Variants in ITFG1 observed in about 807,000 individuals in gnomAD.
The protein encoded by ITFG1 is T-cell immunomodulatory protein.
Under a neutral mutation model 81.8 loss-of-function variants are expected in ITFG1, and 34 were observed. That is an observed-to-expected ratio of 0.42 (90% confidence interval 0.32 to 0.55). The LOEUF (loss-of-function observed/expected upper bound fraction) is 0.55. Among genes scored for constraint, ITFG1 ranks in the 20% least tolerant of loss-of-function variants. ITFG1 has a pLI of 0.17. For missense variants in ITFG1, 672 were observed against 755.4 expected (o/e 0.89, Z 1.29); for synonymous variants, 285 against 270.6 (o/e 1.05, Z -0.52).
intron 8 of ITFG1, among the ~76,000 whole-genome samples, chr16:47,349,482 A>T (rs1967915977): frequency 6.6e-6 from 1 of 152,354 alleles, no homozygotes; most frequent in East Asian, 1.9e-4. Context: ...CATAATGGTA[A>T]AGGGATCACT....
At chr16:47,361,592 A>C (rs1036243906) in intron 8 of ITFG1, among the ~76,000 whole-genome samples, 1 of 152,154 alleles carries the variant, frequency 6.6e-6, no homozygotes, top group Non-Finnish European at 1.5e-5. Context: ...TATGAGAGAC[A>C]TTTATGGGTT....
chr16:47,418,168 A>G (rs1380660761), intron 6 of ITFG1, among the ~76,000 whole-genome samples: 1 of 152,110 alleles, frequency 6.6e-6, no homozygotes, highest in African/African-American at 2.4e-5. Flanking sequence ...GGCCATTTGT[A>G]TATCTTTTCT....
chr16:47,323,014 C>G (rs1967471594), intron 8 of ITFG1, among the ~76,000 whole-genome samples: 1 of 151,832 alleles, frequency 6.6e-6, no homozygotes, highest in African/African-American at 2.4e-5. Context: ...AAATAATTGC[C>G]AGGCTTCAAT....
intron 6 of ITFG1, among the ~76,000 whole-genome samples, chr16:47,383,334 T>C (rs1164575341): frequency 6.6e-6 from 1 of 152,240 alleles, no homozygotes; most frequent in Non-Finnish European, 1.5e-5. Flanking sequence ...ATATAAATTT[T>C]AGAATTATAT....
rs533168502 is a variant in ITFG1 at position 47,362,370 on chromosome 16, T to C, written c.802+3418A>G. ...TGCATGCTCAAGAAGCATTACATTA[T>C]GCATATCCCACCAGACCAGAAATTT... On this transcript the variant is annotated intron_variant, in intron 8 of 17. Transcript: ENST00000320640. 1.0e-3 allele frequency among the ~76,000 whole-genome samples: 158 copies of C among 152,342 alleles called. 1 individual carries two copies. The highest frequency in any genetic ancestry group is 1.5e-3 in the Non-Finnish European group (105 of 68,032).
intron 10 of ITFG1, among the ~76,000 whole-genome samples, chr16:47,285,087 G>C (rs1229135786): frequency 6.6e-6 from 1 of 152,094 alleles, no homozygotes; most frequent in Non-Finnish European, 1.5e-5. Context: ...ACAGTCTTTT[G>C]TTGTAATGTT....
At chr16:47,347,595 C>T (rs1209162963) in intron 8 of ITFG1, among the ~76,000 whole-genome samples, 1 of 152,166 alleles carries the variant, frequency 6.6e-6, no homozygotes, top group African/African-American at 2.4e-5. Flanking sequence ...GCCTGCCTGC[C>T]TCTGTAGACT....
At chr16:47,268,542 C>T (rs916749143) in intron 10 of ITFG1, among the ~76,000 whole-genome samples, 1 of 152,222 alleles carries the variant, frequency 6.6e-6, no homozygotes, top group Non-Finnish European at 1.5e-5. Flanking sequence ...TGAAAGACAT[C>T]ATAAGAAAAC....
At chr16:47,229,992 T>C (rs919502657) in intron 13 of ITFG1, among the ~76,000 whole-genome samples, 1 of 152,236 alleles carries the variant, frequency 6.6e-6, no homozygotes, top group Non-Finnish European at 1.5e-5. Context: ...TCAGTTATTG[T>C]TGTTATTAAT....
chr16:47,222,974 A>G (rs1402097914), intron 13 of ITFG1, among the ~76,000 whole-genome samples: 1 of 152,064 alleles, frequency 6.6e-6, no homozygotes, highest in Non-Finnish European at 1.5e-5. Context: ...GAGAAAAACA[A>G]GCAATGGGGA....
intron 6 of ITFG1, among the ~76,000 whole-genome samples, chr16:47,382,227 T>C (rs1326091084): frequency 6.6e-6 from 1 of 152,208 alleles, no homozygotes; most frequent in East Asian, 1.9e-4. Context: ...ATAGAGATGA[T>C]TGCATTAGTT....
chr16:47,430,832 G>T (rs1969086455), intron 5 of ITFG1, among the ~76,000 whole-genome samples: 1 of 152,082 alleles, frequency 6.6e-6, no homozygotes, highest in Admixed American at 6.6e-5. Flanking sequence ...ATATATCCAA[G>T]ATAATTAAAA....
chr16:47,424,830 C>A (rs1968998305), intron 6 of ITFG1, among the ~76,000 whole-genome samples: 1 of 152,148 alleles, frequency 6.6e-6, no homozygotes, highest in African/African-American at 2.4e-5. Flanking sequence ...GGGGCACCTG[C>A]CTGTTTGAGG....
At chr16:47,241,193 G>C (rs568024724) in intron 12 of ITFG1, among the ~76,000 whole-genome samples, 5 of 152,250 alleles carry the variant, frequency 3.3e-5, no homozygotes, top group African/African-American at 1.2e-4. Flanking sequence ...ATACATTTCT[G>C]ATGGAAATGT....
At chr16:47,380,048 CAAAAAAAAA>C (rs763213367) in intron 6 of ITFG1, among the ~76,000 whole-genome samples, 2 of 49,104 alleles carry the variant, frequency 4.1e-5, no homozygotes, top group Admixed American at 2.2e-4. Context: ...CTTGGGTAGC[CAAAAAAAAA>C]AAAAAAAAAA....
intron 10 of ITFG1, among the ~76,000 whole-genome samples, chr16:47,306,308 A>G (rs1207692949): frequency 6.6e-6 from 1 of 152,204 alleles, no homozygotes; most frequent in Admixed American, 6.5e-5. Flanking sequence ...GAGCTATTAA[A>G]CCACCAGAAA....
chr16:47,207,988 G>A (rs1965522277), intron 14 of ITFG1, among the ~76,000 whole-genome samples: 1 of 152,064 alleles, frequency 6.6e-6, no homozygotes, highest in Admixed American at 6.5e-5. Context: ...CATAATTATT[G>A]TCACCATTTT....
intron 14 of ITFG1, among the ~76,000 whole-genome samples, chr16:47,172,134 T>C (rs1353749756): frequency 6.6e-6 from 1 of 152,202 alleles, no homozygotes; most frequent in East Asian, 1.9e-4. Context: ...TCAAACTAAA[T>C]GCTAAACATC....
At chr16:47,234,842 G>A (rs1348688909) in intron 13 of ITFG1, among the ~76,000 whole-genome samples, 1 of 152,156 alleles carries the variant, frequency 6.6e-6, no homozygotes, top group African/African-American at 2.4e-5. Context: ...GGGACCTGGT[G>A]GAAGGTAACT....
Sources: allele counts gnomAD v4.1 joint callset (sites outside exome capture counted in the v4.1 genomes callset), GRCh38; gene constraint gnomAD v4.1.1; transcripts MANE v1.5; gene names NCBI Gene and HGNC (gene_info 2026-07-23, HGNC 2026-07-21).